PINX1: variants seen among roughly 807,000 people sequenced by gnomAD.
PINX1 encodes PIN2/TERF1-interacting telomerase inhibitor 1.
Under a neutral mutation model 25.4 loss-of-function variants are expected in PINX1, and 34 were observed. The ratio of observed to expected loss-of-function variants is 1.34; its 90% CI spans 1.02 to 1.78. PINX1 has a LOEUF of 1.78. Among genes scored for constraint, PINX1 ranks in the 40% most tolerant of loss-of-function variants. The probability of loss-of-function intolerance (pLI) is 0.00; values close to 1 mark genes in which losing one functional copy is unlikely to be tolerated. For missense variants in PINX1, 592 were observed against 404.9 expected (o/e 1.46, Z -3.97); for synonymous variants, 197 against 147.7 (o/e 1.33, Z -2.42).
intron 5 of PINX1, among the ~76,000 whole-genome samples, chr8:10,824,514 C>A (rs555556334): frequency 6.6e-6 from 1 of 152,284 alleles, no homozygotes; most frequent in South Asian, 2.1e-4. Flanking sequence ...AGATACAGAA[C>A]CCTCGCTGGA....
chr8:10,776,386 C>T lies in PINX1; in HGVS notation c.472-10470G>A, dbSNP rs148859220. 5.9e-4 allele frequency among the ~76,000 whole-genome samples: 90 copies of T among 152,082 alleles called. No individual in the cohort carries two copies. In the East Asian group the frequency reaches 0.017, roughly 28 times the overall value. ...GTTGCAGTGAGCCGAAGTCGTGCCA[C>T]TGCACTCCGGCCTGGGTAACAGAGT... On this transcript the variant is annotated intron_variant, in intron 6 of 6. Coordinates refer to ENST00000314787, the MANE Select transcript of PINX1 (RefSeq NM_017884.6).
At chr8:10,793,017 C>T (rs145827952) in intron 6 of PINX1, among the ~76,000 whole-genome samples, 1 of 152,258 alleles carries the variant, frequency 6.6e-6, no homozygotes, top group African/African-American at 2.4e-5. Context: ...CTAGATCCTG[C>T]TCCAAATGAA....
At chr8:10,778,351 C>A (rs1801477612) in intron 6 of PINX1, among the ~76,000 whole-genome samples, 1 of 152,034 alleles carries the variant, frequency 6.6e-6, no homozygotes. Context: ...GGTTGAACAT[C>A]CCTCTCGTTT....
At chr8:10,798,334 T>C (rs979064972) in intron 6 of PINX1, among the ~76,000 whole-genome samples, 1 of 152,218 alleles carries the variant, frequency 6.6e-6, no homozygotes, top group African/African-American at 2.4e-5. Flanking sequence ...TCAAGTTGAC[T>C]TCCAGGCCCT....
intron 3 of PINX1, among the ~76,000 whole-genome samples, chr8:10,832,133 A>T (rs1210376604): frequency 6.6e-6 from 1 of 152,162 alleles, no homozygotes; most frequent in Non-Finnish European, 1.5e-5. Flanking sequence ...GGACAAAAAA[A>T]TGCTCTTCTT....
intron 6 of PINX1, among the ~76,000 whole-genome samples, chr8:10,818,870 G>C (rs552283920): frequency 3.9e-5 from 6 of 152,312 alleles, no homozygotes; most frequent in African/African-American, 1.4e-4. Context: ...GGGTTGGAGA[G>C]GAGGCTGGGA....
intron 1 of PINX1, 96 bp downstream of exon 1, chr8:10,839,642 C>T (rs1277598574): frequency 7.7e-6 from 10 of 1,298,092 alleles, no homozygotes; most frequent in African/African-American, 1.5e-5. Flanking sequence ...CCAGGCGCGC[C>T]GGCAACCCGA....
intron 6 of PINX1, among the ~76,000 whole-genome samples, chr8:10,815,838 A>T (rs934557818): frequency 3.9e-5 from 6 of 152,246 alleles, no homozygotes; most frequent in Admixed American, 3.9e-4. Flanking sequence ...TTTGATCTCT[A>T]CAAGGAGTTC....
At chr8:10,774,380 C>T (rs917866423) in intron 6 of PINX1, among the ~76,000 whole-genome samples, 25 of 151,666 alleles carry the variant, frequency 1.6e-4, no homozygotes, top group Non-Finnish European at 3.4e-4. Context: ...CTCCAGGGTT[C>T]AAGTGATTCT....
intron 6 of PINX1, among the ~76,000 whole-genome samples, chr8:10,766,334 A>T (rs77267340): frequency 1.0e-3 from 156 of 152,316 alleles, no homozygotes; most frequent in African/African-American, 3.7e-3. Flanking sequence ...TTTGTTAGAC[A>T]CCGATTTCAT....
intron 6 of PINX1, among the ~76,000 whole-genome samples, chr8:10,796,823 T>G (rs1026165689): frequency 6.6e-6 from 1 of 151,952 alleles, no homozygotes; most frequent in African/African-American, 2.4e-5. Context: ...CTAAGAAGGA[T>G]GCAATGAAAA....
At chr8:10,823,865 G>C (rs921910246) in intron 5 of PINX1, among the ~76,000 whole-genome samples, 10 of 152,124 alleles carry the variant, frequency 6.6e-5, no homozygotes, top group African/African-American at 2.4e-4. Context: ...CTGATATTTA[G>C]GCAGTAGCAA....
At position 10,765,457 on chromosome 8, in the gene PINX1, C is replaced by T. The variant is rs372886533; in HGVS notation, c.931G>A (p.Asp311Asn). Residue 311 changes from aspartate to asparagine, a missense_variant, in exon 7 of 7, where the codon GAC becomes AAC. By Grantham distance (23) the Asp-to-Asn change is conservative. Coordinates refer to ENST00000314787, the MANE Select transcript of PINX1 (RefSeq NM_017884.6). ...ACTAGCGTTTCTTCTAGTGTAGCGTCCTCTGCTATCTCTACTGGTTTTTGC... is the reference window on the plus strand; with the variant it reads ...ACTAGCGTTTCTTCTAGTGTAGCGTTCTCTGCTATCTCTACTGGTTTTTGC... ...KLQKPVEIAE[D>N]ATLEETLVKK... The T allele has an allele frequency of 2.5e-6, 4 of 1,612,894 alleles. No homozygotes were observed. Among genetic ancestry groups the T allele is most frequent in the South Asian group, 1.1e-5 (1 of 91,082 alleles).
intron 6 of PINX1, among the ~76,000 whole-genome samples, chr8:10,809,826 G>T (rs371779301): frequency 6.6e-6 from 1 of 152,216 alleles, no homozygotes; most frequent in Non-Finnish European, 1.5e-5. Context: ...ATGAATCTTC[G>T]AAGTTGTGTT....
At chr8:10,788,194 G>T (rs1801813177) in intron 6 of PINX1, among the ~76,000 whole-genome samples, 1 of 152,098 alleles carries the variant, frequency 6.6e-6, no homozygotes, top group South Asian at 2.1e-4. Flanking sequence ...CTGGGTACTG[G>T]GCACAGACAG....
chr8:10,798,496 G>C (rs1046881810), intron 6 of PINX1, among the ~76,000 whole-genome samples: 3 of 152,302 alleles, frequency 2.0e-5, no homozygotes, highest in African/African-American at 7.2e-5. Flanking sequence ...AAATATAACA[G>C]TGGAAATTAC....
intron 6 of PINX1, among the ~76,000 whole-genome samples, chr8:10,805,334 A>G (rs1298385181): frequency 6.6e-6 from 1 of 152,268 alleles, no homozygotes; most frequent in Non-Finnish European, 1.5e-5. Context: ...CACTTTCTGC[A>G]ACCCACCCCA....
chr8:10,833,592 CGGGAGG>C (rs1798296173), intron 2 of PINX1: 1 of 83,590 alleles, frequency 1.2e-5, no homozygotes, highest in Non-Finnish European at 2.7e-5. Flanking sequence ...GACTGGGGTG[CGGGAGG>C]CTGGAGAAGA....
intron 6 of PINX1, among the ~76,000 whole-genome samples, chr8:10,785,413 T>C (rs180677895): frequency 3.0e-4 from 45 of 152,306 alleles, no homozygotes; most frequent in Admixed American, 1.8e-3. Flanking sequence ...CGGTGATAAA[T>C]TATCCAAATG....
Sources: gnomAD v4.1 joint callset for allele counts (sites outside exome capture counted in the v4.1 genomes callset) on GRCh38, gnomAD v4.1.1 for gene constraint, MANE v1.5 for transcripts, NCBI Gene and HGNC (gene_info 2026-07-23, HGNC 2026-07-21) for gene names.